Variants in ARL13B observed in about 807,000 individuals in gnomAD.
The protein encoded by ARL13B is ARF like GTPase 13B.
Under a neutral mutation model 56.1 loss-of-function variants are expected in ARL13B, and 36 were observed. The ratio of observed to expected loss-of-function variants is 0.64; its 90% CI spans 0.49 to 0.85. The LOEUF is 0.85. Ranked by LOEUF, ARL13B falls within the 40% of genes least tolerant of loss-of-function variation. The pLI, the probability that ARL13B is intolerant of heterozygous loss-of-function variation, is 0.00. For missense variants in ARL13B, 519 were observed against 507.1 expected, an observed-to-expected ratio of 1.02 and a Z score of -0.23; for synonymous variants, 178 against 171.1, an observed-to-expected ratio of 1.04 and a Z score of -0.32.
At chr3:94,008,492 T>C (rs2076169738) in intron 3 of ARL13B, among the ~76,000 whole-genome samples, 1 of 152,190 alleles carries the variant, frequency 6.6e-6, no homozygotes, top group Non-Finnish European at 1.5e-5. Context: ...ACATCCAGTA[T>C]AGACATTTTC....
rs1209174186 is a variant in ARL13B, at chr3:94,055,526, T to G, written c.*2263T>G. On this transcript the variant is annotated 3_prime_UTR_variant, in exon 10 of 10. Coordinates refer to ENST00000394222, the MANE Select transcript of ARL13B (RefSeq NM_001174150.2). ...CCATATGATGTTAGAGGATTTGATG[T>G]CTGTCTTGCGTTAAAGCTGTTGGTC... is the stretch of plus-strand genomic sequence containing the variant. The G allele has an allele frequency of 2.2e-6, 1 of 453,994 alleles. No individual in the cohort carries two copies. Among genetic ancestry groups the G allele is most frequent in the Admixed American group, 2.3e-5 (1 of 42,562 alleles). 28.1% of individuals were successfully genotyped at this position (453,994 alleles called of 1,614,324 possible). A position where few individuals can be genotyped will look rare whatever the true frequency, so the allele number is the denominator to read the frequency against.
At chr3:94,010,267 G>T (rs957269914) in intron 3 of ARL13B, among the ~76,000 whole-genome samples, 2 of 152,076 alleles carry the variant, frequency 1.3e-5, no homozygotes, top group Non-Finnish European at 2.9e-5. Context: ...AGCCTCTCAA[G>T]CCTGTAGTAC....
rs529658292 is a variant in ARL13B, at chr3:93,996,669, C to T, written c.130+725C>T. 33 of 423,798 alleles carry T rather than the reference C, an allele frequency of 7.8e-5. 1 individual carries two copies. Among genetic ancestry groups the T allele is most frequent in the East Asian group, 5.7e-4 (8 of 14,092 alleles). The allele number at this position is 423,798 out of a possible 1,614,324, so 26.3% of individuals were successfully genotyped here. A position where few individuals can be genotyped will look rare whatever the true frequency, so the allele number is the denominator to read the frequency against. On this transcript the variant is annotated intron_variant, in intron 2 of 9. Coordinates refer to ENST00000394222, the MANE Select transcript of ARL13B (RefSeq NM_001174150.2). ...CTGGGATTACAGGCATGAGCCACCA[C>T]GCCCAGCCCGGCCAGGTAATCTTAA...
chr3:93,990,783 C>A (rs112910353), intron 1 of ARL13B, among the ~76,000 whole-genome samples: 10 of 152,304 alleles, frequency 6.6e-5, no homozygotes, highest in African/African-American at 2.4e-4. Context: ...TTTATCAACT[C>A]ATAATGTGAT....
At chr3:94,017,909 A>G (rs2076365117) in intron 3 of ARL13B, among the ~76,000 whole-genome samples, 1 of 152,184 alleles carries the variant, frequency 6.6e-6, no homozygotes, top group African/African-American at 2.4e-5. Context: ...ACATGGGAAG[A>G]ATGAAGTAGA....
intron 3 of ARL13B, among the ~76,000 whole-genome samples, chr3:94,023,375 T>C (rs937722910): frequency 2.6e-5 from 4 of 152,140 alleles, no homozygotes; most frequent in Admixed American, 2.0e-4. Context: ...TTTTTCATAT[T>C]CCTGGTGTTC....
Position 94,039,902 on chromosome 3 carries a change from G to T in ARL13B, c.712G>T (p.Ala238Ser). The T allele has an allele frequency of 6.2e-7, 1 of 1,614,042 alleles. No homozygotes were observed. Among genetic ancestry groups the T allele is most frequent in the South Asian group, 1.1e-5 (1 of 91,054 alleles). Residue 238 changes from alanine (A) to serine (S), a missense_variant, in exon 6 of 10, where the codon GCT (alanine) becomes TCT (serine). Transcript: ENST00000394222. The stretch of plus-strand genomic sequence containing the variant: ...TAGAAAACAAAATGAACAGGAGCAG[G>T]CTGAACTCGATGGAACCAGTGGTCT... ...EERKQNEQEQAELDGTSGLAE... is the reference protein window; with the variant it reads ...EERKQNEQEQSELDGTSGLAE...
intron 3 of ARL13B, among the ~76,000 whole-genome samples, chr3:94,021,933 C>T (rs1327258177): frequency 1.3e-5 from 2 of 151,974 alleles, no homozygotes; most frequent in Non-Finnish European, 2.9e-5. Flanking sequence ...GTTAACAAGT[C>T]AAGTCATGTC....
intron 3 of ARL13B, among the ~76,000 whole-genome samples, chr3:94,031,660 T>C (rs1279705382): frequency 6.6e-6 from 1 of 151,950 alleles, no homozygotes; most frequent in African/African-American, 2.4e-5. Flanking sequence ...CCTCTCAAAA[T>C]AAGAAAAAGT....
In ARL13B at chr3:94,054,086, A is replaced by G. The variant is rs757858769; in HGVS notation, c.*823A>G. ...CTATTAAAAGTCTCAGTAAAGTCCT[A>G]TTTTAAAGGTTAGACACTTTCAGAG... On this transcript the variant is annotated 3_prime_UTR_variant, in exon 10 of 10. Transcript: ENST00000394222. 2 of 451,038 alleles carry G rather than the reference A, an allele frequency of 4.4e-6. No individual in the cohort carries two copies. Among genetic ancestry groups the G allele is most frequent in the East Asian group, 7.0e-5 (1 of 14,376 alleles). 27.9% of individuals were successfully genotyped at this position (451,038 alleles called of 1,614,324 possible).
Position 94,003,926 on chromosome 3 carries a change from C to A in ARL13B, c.380+18C>A. On this transcript the variant is annotated intron_variant, in intron 3 of 9. Coordinates refer to ENST00000394222, the MANE Select transcript of ARL13B (RefSeq NM_001174150.2). The stretch of plus-strand genomic sequence containing the variant: ...ATATTGGTGTAAGTAATGTTAGCAT[C>A]ATTGTAAATGTAGGGACGATGGCAT... The A allele has an allele frequency of 6.2e-7, 1 of 1,612,786 alleles. No homozygotes were observed. The highest frequency in any genetic ancestry group is 1.1e-5 in the South Asian group (1 of 90,986).
intron 1 of ARL13B, among the ~76,000 whole-genome samples, chr3:93,991,148 A>G (rs2075868156): frequency 6.6e-6 from 1 of 152,202 alleles, no homozygotes; most frequent in African/African-American, 2.4e-5. Flanking sequence ...CCATCTGACC[A>G]AATGATTAAA....
At chr3:94,018,290 T>TGATAGA (rs4025396) in intron 3 of ARL13B, among the ~76,000 whole-genome samples, 12,362 of 152,042 alleles carry the variant, frequency 0.081, 621 homozygotes, top group South Asian at 0.12. Flanking sequence ...GAGACTTTAA[T>TGATAGA]GATAGAGATG....
rs781781835 is a variant in ARL13B at position 94,040,002 on chromosome 3, C to G, written c.798+14C>G. The G allele has an allele frequency of 7.5e-6, 12 of 1,606,640 alleles. No individual in the cohort carries two copies. The highest frequency in any genetic ancestry group is 1.0e-5 in the Non-Finnish European group (12 of 1,173,930). On this transcript the variant is annotated intron_variant, in intron 6 of 9. Transcript: ENST00000394222. ...GTAATCATTGAGGTATGAATGATGG[C>G]AAATGTAATTTTTGTATCTTAAGTT...
chr3:94,007,111 G>T (rs1432400794), intron 3 of ARL13B, among the ~76,000 whole-genome samples: 2 of 152,190 alleles, frequency 1.3e-5, no homozygotes, highest in South Asian at 4.1e-4. Flanking sequence ...TTGAGGTAAC[G>T]CACAGTGCCT....
In ARL13B at chr3:94,041,950, C is replaced by T. The variant is rs1400486435; in HGVS notation, c.799-1065C>T. Among the ~76,000 whole-genome samples, 6 of 152,116 alleles carry T rather than the reference C, an allele frequency of 3.9e-5. No individual in the cohort carries two copies. In the East Asian group the frequency reaches 5.8e-4, roughly 15 times the overall value. On this transcript the variant is annotated intron_variant, in intron 6 of 9. Coordinates refer to ENST00000394222, the MANE Select transcript of ARL13B (RefSeq NM_001174150.2). ...CACGAACCTATAATCCCAGCTACTC[C>T]GGAGGCTGAGGCAGAGAATTGCTTA...
At chr3:93,988,220 T>C (rs1035416422) in intron 1 of ARL13B, among the ~76,000 whole-genome samples, 1 of 151,872 alleles carries the variant, frequency 6.6e-6, no homozygotes, top group Non-Finnish European at 1.5e-5. Context: ...AGTGGTTTTC[T>C]TTAGGAAACA....
chr3:93,997,634 C>T (rs1364561598), intron 2 of ARL13B, among the ~76,000 whole-genome samples: 1 of 152,126 alleles, frequency 6.6e-6, no homozygotes, highest in Non-Finnish European at 1.5e-5. Flanking sequence ...TGCAGTCATC[C>T]AGTCTCCTTC....
intron 3 of ARL13B, among the ~76,000 whole-genome samples, chr3:94,029,342 T>TA (rs2076628099): frequency 2.0e-5 from 2 of 101,336 alleles, no homozygotes; most frequent in Admixed American, 1.1e-4. Context: ...ATATTTATTT[T>TA]TTTTTTATTT....
Sources: gnomAD v4.1 joint callset for allele counts (sites outside exome capture counted in the v4.1 genomes callset) on GRCh38, gnomAD v4.1.1 for gene constraint, MANE v1.5 for transcripts, NCBI Gene and HGNC (gene_info 2026-07-23, HGNC 2026-07-21) for gene names.